NRXN1: variants seen among roughly 807,000 people sequenced by gnomAD.
NRXN1 encodes the protein neurexin-1.
NRXN1 carries 39 observed loss-of-function variants against 150.9 expected under a neutral mutation model. The observed-to-expected ratio is 0.26, with a 90% CI of 0.20 to 0.34. The LOEUF (loss-of-function observed/expected upper bound fraction) is 0.34. Ranked by LOEUF, NRXN1 falls within the 10% of genes least tolerant of loss-of-function variation. NRXN1 has a pLI of 1.00. For synonymous variants in NRXN1, 924 were observed against 757.0 expected (o/e 1.22, Z -3.62); for missense variants, 1,815 against 1,949.9 (o/e 0.93, Z 1.30).
intron 17 of NRXN1, among the ~76,000 whole-genome samples, chr2:50,438,025 T>A (rs1450139192): frequency 6.6e-6 from 1 of 152,214 alleles, no homozygotes; most frequent in African/African-American, 2.4e-5. Flanking sequence ...TGGCATGTTC[T>A]AAGTTCTACA....
chr2:50,984,932 C>T (rs1267626956), intron 2 of NRXN1, among the ~76,000 whole-genome samples: 1 of 152,058 alleles, frequency 6.6e-6, no homozygotes, highest in African/African-American at 2.4e-5. Context: ...AGTTACATAA[C>T]ACTGTCAGTT....
chr2:50,952,188 G>A (rs972116318), intron 2 of NRXN1, among the ~76,000 whole-genome samples: 8 of 151,226 alleles, frequency 5.3e-5, no homozygotes, highest in East Asian at 1.9e-4. Context: ...GGATGGTCTC[G>A]ATCTCCTGAC....
intron 5 of NRXN1, among the ~76,000 whole-genome samples, chr2:50,852,169 G>A (rs186266963): frequency 2.0e-5 from 3 of 152,228 alleles, no homozygotes; most frequent in Non-Finnish European, 1.5e-5. Flanking sequence ...GACACAACTG[G>A]CCCCAAAGGA....
At chr2:50,576,642 G>A (rs1671482355) in intron 8 of NRXN1, among the ~76,000 whole-genome samples, 1 of 151,994 alleles carries the variant, frequency 6.6e-6, no homozygotes, top group South Asian at 2.1e-4. Context: ...TCTTGAAAAT[G>A]CTTCCAGTTC....
intron 5 of NRXN1, among the ~76,000 whole-genome samples, chr2:50,881,438 A>G (rs994469154): frequency 1.3e-5 from 2 of 151,992 alleles, no homozygotes; most frequent in Non-Finnish European, 2.9e-5. Context: ...GTGATTTAGT[A>G]CATGATTTTG....
intron 17 of NRXN1, among the ~76,000 whole-genome samples, chr2:50,264,961 A>C (rs2068687767): frequency 6.6e-6 from 1 of 152,144 alleles, no homozygotes; most frequent in Admixed American, 6.6e-5. Context: ...AAACAACAAT[A>C]ACAAAATAGG....
intron 5 of NRXN1, among the ~76,000 whole-genome samples, chr2:50,646,657 T>C (rs1284085937): frequency 6.6e-6 from 1 of 151,758 alleles, no homozygotes; most frequent in Non-Finnish European, 1.5e-5. Context: ...GTCCCCTTTT[T>C]ATGATTCCTC....
intron 21 of NRXN1, among the ~76,000 whole-genome samples, chr2:49,994,132 C>A (rs186401092): frequency 3.0e-4 from 45 of 152,266 alleles, no homozygotes; most frequent in Non-Finnish European, 1.5e-5. Context: ...AGTAATGAAG[C>A]ATAGTACGGG....
intron 9 of NRXN1, among the ~76,000 whole-genome samples, chr2:50,550,450 G>C (rs1011193391): frequency 3.3e-5 from 5 of 151,832 alleles, no homozygotes; most frequent in Non-Finnish European, 5.9e-5. Flanking sequence ...TTTTATTCTA[G>C]ATCTATCTTA....
chr2:50,024,406 T>C (rs1200591378), intron 21 of NRXN1, among the ~76,000 whole-genome samples: 8 of 152,166 alleles, frequency 5.3e-5, no homozygotes, highest in Non-Finnish European at 1.2e-4. Flanking sequence ...TTCCCCTTGG[T>C]CTTATGCCCT....
At chr2:50,501,324 T>C (rs967162694) in intron 13 of NRXN1, among the ~76,000 whole-genome samples, 3 of 151,900 alleles carry the variant, frequency 2.0e-5, no homozygotes, top group East Asian at 3.9e-4. Context: ...AGATTTCTCA[T>C]AGTGCTTCTT....
At chr2:50,624,739 T>C (rs1465938682) in intron 5 of NRXN1, 1 of 152,062 alleles carries the variant, frequency 6.6e-6, no homozygotes, top group Non-Finnish European at 1.5e-5. Context: ...TGGTAAGAAT[T>C]CTAGCACATC....
chr2:50,250,501 G>C (rs1290034146), intron 17 of NRXN1, among the ~76,000 whole-genome samples: 2 of 151,674 alleles, frequency 1.3e-5, no homozygotes, highest in African/African-American at 4.8e-5. Context: ...TTTGTCTCTT[G>C]AATTAAATCT....
chr2:50,813,500 G>A (rs968507894), intron 5 of NRXN1, among the ~76,000 whole-genome samples: 4 of 151,930 alleles, frequency 2.6e-5, no homozygotes, highest in East Asian at 1.9e-4. Context: ...AGTAAAAATC[G>A]TTGATTATTA....
chr2:50,837,997 C>A (rs1672347438), intron 5 of NRXN1, among the ~76,000 whole-genome samples: 1 of 152,080 alleles, frequency 6.6e-6, no homozygotes, highest in Non-Finnish European at 1.5e-5. Context: ...CCTCATAAGA[C>A]TGTTGCCTGA....
intron 17 of NRXN1, among the ~76,000 whole-genome samples, chr2:50,444,552 T>C (rs2086237470): frequency 6.6e-6 from 1 of 152,170 alleles, no homozygotes; most frequent in African/African-American, 2.4e-5. Context: ...ATTACGTGTC[T>C]GCCTATCGGA....
chr2:50,459,654 A>G (rs2087957861), intron 17 of NRXN1, among the ~76,000 whole-genome samples: 1 of 152,038 alleles, frequency 6.6e-6, no homozygotes, highest in African/African-American at 2.4e-5. Context: ...ATTTCTTTTT[A>G]TGTTTGCATG....
chr2:50,753,887 C>G (rs1441183994), intron 5 of NRXN1, among the ~76,000 whole-genome samples: 1 of 146,966 alleles, frequency 6.8e-6, no homozygotes, highest in Non-Finnish European at 1.5e-5. Flanking sequence ...ATTGGTAAAA[C>G]CAAAAGGAAG....
chr2:50,932,138 A>G (rs1044077125), intron 2 of NRXN1, among the ~76,000 whole-genome samples: 14 of 152,166 alleles, frequency 9.2e-5, no homozygotes, highest in Non-Finnish European at 1.5e-4. Context: ...CTGTAATCCC[A>G]GTACTTTGGG....
Sources: allele counts gnomAD v4.1 joint callset (sites outside exome capture counted in the v4.1 genomes callset), GRCh38; gene constraint gnomAD v4.1.1; transcripts MANE v1.5; gene names NCBI Gene and HGNC (gene_info 2026-07-23, HGNC 2026-07-21).